Variants in KDM3B observed in about 807,000 individuals in gnomAD.
KDM3B encodes lysine-specific demethylase 3B.
In KDM3B, 10 loss-of-function variants were observed where a neutral mutation model predicts 170.0. The observed-to-expected ratio is 0.06, with a 90% CI of 0.04 to 0.10. The LOEUF is 0.10. KDM3B is among the 10% of genes least tolerant of loss of function. The pLI, the probability that KDM3B is intolerant of heterozygous loss-of-function variation, is 1.00. For synonymous variants in KDM3B, 831 were observed against 834.8 expected (o/e 1.00, Z 0.08); for missense variants, 1,394 against 2,195.2 (o/e 0.64, Z 7.29).
intron 10 of KDM3B, 31 bp from the exon 11 acceptor site, chr5:138,399,829 C>A: frequency 6.2e-7 from 1 of 1,602,854 alleles, no homozygotes; most frequent in South Asian, 1.1e-5. Context: ...TCAGGATGAT[C>A]AATGCCAATT....
rs12514582 is a variant in KDM3B, at chr5:138,398,801, A to C, written c.3046+409A>C. ...TACCTAGAACCCACATTATTCATAC[A>C]TTTCAAATATTTCCATGTCTGTAAG... On this transcript the variant is annotated intron_variant, in intron 10 of 23. Transcript: ENST00000314358. 6.2e-3 allele frequency among the ~76,000 whole-genome samples: 940 copies of C among 151,976 alleles called. 27 individuals carry two copies. Among genetic ancestry groups the C allele is most frequent in the Admixed American group, 0.047 (722 of 15,244 alleles).
At chr5:138,370,271 A>G (rs1366747248) in intron 1 of KDM3B, among the ~76,000 whole-genome samples, 1 of 152,118 alleles carries the variant, frequency 6.6e-6, no homozygotes, top group African/African-American at 2.4e-5. Flanking sequence ...CTCATTGCTA[A>G]TTTCTTTGTT....
intron 1 of KDM3B, among the ~76,000 whole-genome samples, chr5:138,353,301 C>T (rs1761375610): frequency 6.6e-6 from 1 of 152,210 alleles, no homozygotes; most frequent in South Asian, 2.1e-4. Flanking sequence ...AGCAGGCTCT[C>T]GAATCTTGAG....
intron 11 of KDM3B, among the ~76,000 whole-genome samples, chr5:138,408,669 C>T (rs770936009): frequency 9.9e-5 from 15 of 152,062 alleles, no homozygotes; most frequent in Non-Finnish European, 2.1e-4. Context: ...TAAAAATATT[C>T]TATAAAACTT....
intron 1 of KDM3B, among the ~76,000 whole-genome samples, chr5:138,362,522 C>G (rs1440700875): frequency 5.6e-5 from 8 of 142,836 alleles, no homozygotes; most frequent in African/African-American, 1.8e-4. Flanking sequence ...ATCACTTGAG[C>G]CCAGGATATA....
At chr5:138,361,385 C>CT (rs1761606595) in intron 1 of KDM3B, among the ~76,000 whole-genome samples, 1 of 149,962 alleles carries the variant, frequency 6.7e-6, no homozygotes, top group African/African-American at 2.5e-5. Context: ...TAATCAGGCT[C>CT]TAGGGGACTG....
At chr5:138,428,330 G>T (rs951039812) in intron 20 of KDM3B, among the ~76,000 whole-genome samples, 1 of 152,008 alleles carries the variant, frequency 6.6e-6, no homozygotes, top group Non-Finnish European at 1.5e-5. Context: ...TCCTGCCTCA[G>T]CCTCCCAAGT....
intron 2 of KDM3B, among the ~76,000 whole-genome samples, chr5:138,373,446 T>C (rs1761923059): frequency 2.0e-5 from 3 of 152,170 alleles, no homozygotes; most frequent in African/African-American, 7.2e-5. Flanking sequence ...TTTTCAATTA[T>C]GGAGTGAAAA....
At chr5:138,433,431 C>G (rs1426655084) in intron 23 of KDM3B, among the ~76,000 whole-genome samples, 3 of 129,336 alleles carry the variant, frequency 2.3e-5, no homozygotes, top group African/African-American at 8.8e-5. Context: ...TTTTTTGAGA[C>G]AGTCTCACTC....
At chr5:138,427,166 T>A in intron 18 of KDM3B, 23 bp from the exon 19 acceptor site, 1 of 1,607,768 alleles carries the variant, frequency 6.2e-7, no homozygotes, top group African/African-American at 1.3e-5. Context: ...ACAAGCTAAG[T>A]CATCTTTCCT....
intron 1 of KDM3B, among the ~76,000 whole-genome samples, chr5:138,354,577 T>C (rs575268405): frequency 9.9e-5 from 15 of 152,240 alleles, no homozygotes; most frequent in Non-Finnish European, 1.8e-4. Context: ...GCTCTGCACC[T>C]GAAATGGCTC....
intron 12 of KDM3B, among the ~76,000 whole-genome samples, chr5:138,416,033 C>T (rs1763094916): frequency 6.6e-6 from 1 of 151,946 alleles, no homozygotes; most frequent in South Asian, 2.1e-4. Flanking sequence ...CAAAACCAGA[C>T]TGGTCAACAT....
intron 10 of KDM3B, among the ~76,000 whole-genome samples, chr5:138,399,567 AT>A: frequency 6.6e-6 from 1 of 152,118 alleles, no homozygotes; most frequent in South Asian, 2.1e-4. Flanking sequence ...TTTTTTTACA[AT>A]TCCTTAAGTG....
chr5:138,401,925 T>TTTC (rs992922438), intron 11 of KDM3B, among the ~76,000 whole-genome samples: 1 of 146,842 alleles, frequency 6.8e-6, no homozygotes, highest in African/African-American at 2.5e-5. Context: ...TTTTTCTTTC[T>TTTC]TTTTTTTTTG....
chr5:138,399,732 A>T, intron 10 of KDM3B, 128 bp from the exon 11 acceptor site: 2 of 746,578 alleles, frequency 2.7e-6, no homozygotes, highest in Non-Finnish European at 4.2e-6. Flanking sequence ...CAATTATAGA[A>T]ACACAGACTT....
Position 138,400,007 on chromosome 5 carries a change from G to A in KDM3B, c.3194G>A (p.Arg1065His), listed in dbSNP as rs368195001. The A allele has an allele frequency of 4.1e-5, 66 of 1,614,138 alleles. No homozygotes were observed. The highest frequency in any genetic ancestry group is 1.1e-4 in the African/African-American group (8 of 75,038). Reference sequence around the variant, plus strand: ...TACCGGCTCAGGAAAAGCCGGCCACGCAGTGGTAAGTAAACATTGTCCTGT... The same window carrying A: ...TACCGGCTCAGGAAAAGCCGGCCACACAGTGGTAAGTAAACATTGTCCTGT... ...DCYRLRKSRP[R>H]SETEEMGDEE... Residue 1065 changes from arginine to histidine, a missense_variant, in exon 11 of 24, where the codon CGC becomes CAC. Arg to His is a conservative substitution (Grantham distance 29). Coordinates refer to ENST00000314358, the MANE Select transcript of KDM3B (RefSeq NM_016604.4).
At chr5:138,363,276 C>T (rs1488691121) in intron 1 of KDM3B, among the ~76,000 whole-genome samples, 1 of 152,058 alleles carries the variant, frequency 6.6e-6, no homozygotes, top group Non-Finnish European at 1.5e-5. Context: ...TGTTCACTTC[C>T]GATTTATTAC....
At chr5:138,369,748 C>A (rs1411183219) in intron 1 of KDM3B, among the ~76,000 whole-genome samples, 1 of 152,202 alleles carries the variant, frequency 6.6e-6, no homozygotes, top group Admixed American at 6.5e-5. Flanking sequence ...ACCCACCATA[C>A]CTTATTTTAC....
rs1762421560 is a variant in KDM3B at position 138,391,341 on chromosome 5, A to G, written c.1709A>G (p.Lys570Arg). 6.2e-7 allele frequency: 1 copy of G among 1,614,184 alleles called. No individual in the cohort carries two copies. Among genetic ancestry groups the G allele is most frequent in the East Asian group, 2.2e-5 (1 of 44,882 alleles). The change falls in exon 8 of 24, where the codon AAA becomes AGA. Residue 570 changes from lysine (K) to arginine (R), a missense_variant. Around this residue, in one of 19 missense-constraint regions of KDM3B, gnomAD observed 294 missense variants for 311.7 expected, o/e 0.94. Coordinates refer to ENST00000314358, the MANE Select transcript of KDM3B (RefSeq NM_016604.4). This position sits in a 1 kb window ranked among gnomAD's most constrained non-coding sequence, Gnocchi z 5.0. Reference protein sequence around the residue: ...SLESLSSGLCKGRSVLGTDTK... With the variant: ...SLESLSSGLCRGRSVLGTDTK... ...GAGAGCCTGAGCTCAGGCCTGTGTA[A>G]AGGCAGATCCGTTCTTGGAACAGAC...
Sources: allele counts gnomAD v4.1 joint callset (sites outside exome capture counted in the v4.1 genomes callset), GRCh38; gene constraint gnomAD v4.1.1; regional missense constraint gnomAD v4.1.1; non-coding constraint Gnocchi (gnomAD v3.1); transcripts MANE v1.5; gene names NCBI Gene and HGNC (gene_info 2026-07-23, HGNC 2026-07-21).